The following OR4A15 variants were observed in gnomAD, a reference collection of about 807,000 sequenced individuals.
The protein encoded by OR4A15 is olfactory receptor 4A15.
For synonymous variants in OR4A15, 240 were observed against 135.6 expected (o/e 1.77, Z -5.35); for missense variants, 657 against 374.7 (o/e 1.75, Z -6.22).
exon 1 of OR4A15, chr11:55,368,425 T>C (rs1370240890): frequency 6.2e-7 from 1 of 1,612,938 alleles, no homozygotes; most frequent in Admixed American, 1.7e-5. Flanking sequence ...ATTGGAGGCT[T>C]TCTTCACTCA....
rs1490925926 is a variant in OR4A15 at position 55,368,527 on chromosome 11, T to C, written c.554T>C (p.Leu185Pro). 1.9e-6 allele frequency: 3 copies of C among 1,613,338 alleles called. No homozygotes were observed. Among genetic ancestry groups the C allele is most frequent in the Non-Finnish European group, 2.5e-6 (3 of 1,179,578 alleles). The stretch of plus-strand genomic sequence containing the variant: ...TGTGATTTGTATCCCTTATTGAAAC[T>C]TGCTTGCACCAATACCTATGTCACT... The change falls in exon 1 of 1, where the codon CTT becomes CCT. Residue 185 changes from leucine to proline, a missense_variant. By Grantham distance (98) the Leu-to-Pro change is moderately conservative. Transcript: ENST00000641526.
exon 1 of OR4A15, chr11:55,368,425 T>G: frequency 1.9e-6 from 3 of 1,612,938 alleles, no homozygotes; most frequent in Non-Finnish European, 2.5e-6. Flanking sequence ...ATTGGAGGCT[T>G]TCTTCACTCA....
rs775246328 is a variant in OR4A15, at chr11:55,367,993, T to C, written c.20T>C (p.Val7Ala). 2 of 1,613,414 alleles carry C rather than the reference T, an allele frequency of 1.2e-6. No individual in the cohort carries two copies. The highest frequency in any genetic ancestry group is 1.7e-6 in the Non-Finnish European group (2 of 1,179,732). Residue 7 changes from valine to alanine, a missense_variant, in exon 1 of 1, where the codon GTG becomes GCG. By Grantham distance (64) the Val-to-Ala change is moderately conservative. Transcript: ENST00000641526. ...GAACACATGAAAAATAAGAACAATG[T>C]GACTGAATTTATCCTCTTAGGGCTC...
chr11:55,368,340 G>A (rs776673548), exon 1 of OR4A15: 45 of 1,612,746 alleles, frequency 2.8e-5, no homozygotes, highest in Non-Finnish European at 3.1e-5. Context: ...TCGATACATG[G>A]CCATCTGTAA....
exon 1 of OR4A15, chr11:55,368,212 T>C (rs1308241817): frequency 1.9e-6 from 3 of 1,613,758 alleles, no homozygotes; most frequent in South Asian, 2.2e-5. Context: ...CCCAAAATGA[T>C]TGTTGACTTG....
At chr11:55,368,864 G>T (rs1303530512) in exon 1 of OR4A15, 19 of 1,610,642 alleles carry the variant, frequency 1.2e-5, no homozygotes, top group Non-Finnish European at 1.5e-5. Context: ...GTGCCATGAG[G>T]AAACTTTGGA....
rs61753622 is a variant in OR4A15 at position 55,368,803 on chromosome 11, C to T, written c.830C>T (p.Thr277Ile). The T allele has an allele frequency of 7.0e-4, 1,122 of 1,613,374 alleles. 9 individuals are homozygous for T. The African/African-American group carries it at 0.014, about 20-fold the overall frequency. ...ATGACTGTAGTTCTAACTTTTATAACTCCCATGCTGAACCCACTAATCTAT... is the reference window on the plus strand; with the variant it reads ...ATGACTGTAGTTCTAACTTTTATAATTCCCATGCTGAACCCACTAATCTAT... Residue 277 changes from threonine (T) to isoleucine (I), a missense_variant, in exon 1 of 1, where the codon ACT (threonine) becomes ATT (isoleucine). Transcript: ENST00000641526.
exon 1 of OR4A15, chr11:55,368,461 A>T: frequency 2.5e-6 from 4 of 1,610,488 alleles, no homozygotes; most frequent in Non-Finnish European, 3.4e-6. Context: ...TTTATTTATC[A>T]GCTCCCTTTC....
exon 1 of OR4A15, chr11:55,368,573 T>A: frequency 6.2e-7 from 1 of 1,613,652 alleles, no homozygotes; most frequent in Non-Finnish European, 8.5e-7. Flanking sequence ...TGATAGCTAA[T>A]GGAGGAGCGA....
chr11:55,368,284 T>G lies in OR4A15; in HGVS notation c.311T>G (p.Leu104Ter), dbSNP rs528019952. Residue 104 changes from leucine (L) to a stop codon, truncating the protein, a stop_gained, in exon 1 of 1, where the codon TTA (leucine) becomes TGA (stop). Transcript: ENST00000641526. LOFTEE classifies it low-confidence loss of function (END_TRUNC). Reference sequence around the variant, plus strand: ...ATGGCTCAACTTTTTATGGATCATTTATTTGCTGGTGCTGAAGTCATTCTT... The same window carrying G: ...ATGGCTCAACTTTTTATGGATCATTGATTTGCTGGTGCTGAAGTCATTCTT... 12 of 1,613,928 alleles carry G rather than the reference T, an allele frequency of 7.4e-6. No individual in the cohort carries two copies. The Admixed American group carries it at 2.0e-4, about 27-fold the overall frequency.
chr11:55,368,201 T>C, exon 1 of OR4A15: 3 of 1,613,690 alleles, frequency 1.9e-6, no homozygotes, highest in Non-Finnish European at 1.7e-6. Context: ...CTGCATTTGC[T>C]CCCAAAATGA....
In OR4A15 at chr11:55,368,033, G is replaced by A. The variant is rs778287590; in HGVS notation, c.60G>A (p.Glu20=). ...TCTTAGGGCTCACACAGAACCCTGA[G>A]GGGCAAAAGGTTTTATTTGTCACAT... The change falls in exon 1 of 1, where the codon GAG becomes GAA. Residue 20 remains glutamate, a synonymous_variant. Coordinates refer to ENST00000641526, the Ensembl canonical transcript of OR4A15. The A allele has an allele frequency of 9.9e-6, 16 of 1,613,382 alleles. No individual in the cohort carries two copies. In the Admixed American group the frequency reaches 2.3e-4, roughly 24 times the overall value.
At chr11:55,368,575 G>C (rs768706977) in exon 1 of OR4A15, 1 of 1,613,588 alleles carries the variant, frequency 6.2e-7, no homozygotes, top group Non-Finnish European at 8.5e-7. Flanking sequence ...ATAGCTAATG[G>C]AGGAGCGATT....
chr11:55,368,167 C>T (rs377228643), exon 1 of OR4A15: 21 of 1,612,960 alleles, frequency 1.3e-5, no homozygotes, highest in Non-Finnish European at 1.8e-5. Flanking sequence ...GCTTCTTTAT[C>T]ATTCATAGAT....
chr11:55,368,661 G>T, exon 1 of OR4A15: 1 of 1,613,704 alleles, frequency 6.2e-7, no homozygotes, highest in Non-Finnish European at 8.5e-7. Context: ...GAGTTTGGAA[G>T]GGAAACGAAA....
exon 1 of OR4A15, chr11:55,368,109 A>T: frequency 6.2e-7 from 1 of 1,612,898 alleles, no homozygotes; most frequent in Non-Finnish European, 8.5e-7. Flanking sequence ...TATCATAGTG[A>T]CCATCATGGC....
exon 1 of OR4A15, chr11:55,368,129 C>T (rs1853876074): frequency 1.2e-6 from 2 of 1,612,730 alleles, no homozygotes; most frequent in Non-Finnish European, 1.7e-6. Flanking sequence ...CCAGCCAGTC[C>T]CTGGGTTCCC....
In OR4A15 at chr11:55,368,118, G is replaced by A. The variant is rs545781371; in HGVS notation, c.145G>A (p.Ala49Thr). ...CCTGCTTATCATAGTGACCATCATGGCCAGCCAGTCCCTGGGTTCCCCCAT... is the reference window on the plus strand; with the variant it reads ...CCTGCTTATCATAGTGACCATCATGACCAGCCAGTCCCTGGGTTCCCCCAT... The change falls in exon 1 of 1, where the codon GCC (alanine) becomes ACC (threonine). Residue 49 changes from alanine (A) to threonine (T), a missense_variant. Ala to Thr is a moderately conservative substitution (Grantham distance 58, BLOSUM62 0). Transcript: ENST00000641526. The A allele has an allele frequency of 8.1e-5, 131 of 1,612,790 alleles. 2 individuals carry two copies. The South Asian group carries it at 1.1e-3, about 14-fold the overall frequency.
chr11:55,368,662 G>T, exon 1 of OR4A15: 1 of 1,613,656 alleles, frequency 6.2e-7, no homozygotes, highest in Non-Finnish European at 8.5e-7. Flanking sequence ...AGTTTGGAAG[G>T]GAAACGAAAA....
Sources: gnomAD v4.1 joint callset for allele counts on GRCh38, gnomAD v4.1.1 for gene constraint, MANE v1.5 for transcripts, NCBI Gene and HGNC (gene_info 2026-07-23, HGNC 2026-07-21) for gene names.